Variants in RASA3 observed in about 807,000 individuals in gnomAD.
RASA3 encodes ras GTPase-activating protein 3.
A neutral mutation model predicts 110.0 loss-of-function variants in RASA3; 73 were observed. That is an observed-to-expected ratio of 0.66 (90% CI 0.55 to 0.81). The LOEUF is 0.81. RASA3 is among the 30% of genes least tolerant of loss of function. The pLI is 0.00. For synonymous variants in RASA3, 500 were observed against 451.4 expected (o/e 1.11, Z -1.37); for missense variants, 976 against 1,113.2 (o/e 0.88, Z 1.75).
At chr13:114,007,657 G>A (rs1438216895) in intron 17 of RASA3, 51 bp from the exon 18 acceptor site, 4 of 1,426,060 alleles carry the variant, frequency 2.8e-6, no homozygotes, top group Admixed American at 3.3e-5. Context: ...CATCTGACGT[G>A]CACGGCTCTC....
chr13:114,049,039 T>G (rs1366765469), intron 3 of RASA3, among the ~76,000 whole-genome samples: 1 of 131,368 alleles, frequency 7.6e-6, no homozygotes, highest in African/African-American at 2.9e-5. Context: ...CCCGACCCCA[T>G]AGGAATGCAC....
rs768989397 is a variant in RASA3, at chr13:114,021,413, T to C, written c.776A>G (p.Tyr259Cys). Residue 259 changes from tyrosine to cysteine, a missense_variant, in exon 9 of 24, where the codon TAC (tyrosine) becomes TGC (cysteine). Tyr to Cys is a radical substitution (Grantham distance 194, BLOSUM62 -2). Around this residue, in one of 4 missense-constraint regions of RASA3, gnomAD observed 732 missense variants for 779.7 expected, o/e 0.94. Coordinates refer to ENST00000334062, the MANE Select transcript of RASA3 (RefSeq NM_007368.4). ...TGCAACATCATCTTACCACGCCTCG[T>C]AGGAGCTGGACTGCCGCAGGACTTT... is the stretch of plus-strand genomic sequence containing the variant. Reference protein sequence around the residue: ...PLKVLRQSSSYEAWYFLQPRD... With the variant: ...PLKVLRQSSSCEAWYFLQPRD... 1.2e-6 allele frequency: 2 copies of C among 1,613,898 alleles called. No homozygotes were observed. The highest frequency in any genetic ancestry group is 1.1e-5 in the South Asian group (1 of 91,084).
At chr13:114,030,991 G>T (rs1209466241) in intron 4 of RASA3, among the ~76,000 whole-genome samples, 3 of 152,102 alleles carry the variant, frequency 2.0e-5, no homozygotes, top group Non-Finnish European at 4.4e-5. Flanking sequence ...GTGTCCGCCT[G>T]TGTGTGCGGC....
intron 1 of RASA3, among the ~76,000 whole-genome samples, chr13:114,076,575 CA>C (rs1384923428): frequency 6.6e-6 from 1 of 151,376 alleles, no homozygotes; most frequent in African/African-American, 2.4e-5. Context: ...GCAGGCAGCA[CA>C]CGCACACACA....
At chr13:114,077,238 C>T (rs1594431360) in intron 1 of RASA3, among the ~76,000 whole-genome samples, 2 of 152,106 alleles carry the variant, frequency 1.3e-5, no homozygotes, top group Admixed American at 1.3e-4. Context: ...CGCCGTACGA[C>T]ATGAAAAGGC....
chr13:114,070,809 G>C (rs1443846930), intron 2 of RASA3, among the ~76,000 whole-genome samples: 1 of 134,392 alleles, frequency 7.4e-6, no homozygotes, highest in Non-Finnish European at 1.6e-5. Context: ...CGGCGCCACA[G>C]TCTTACACGT....
chr13:114,130,825 C>T (rs1038330333), intron 1 of RASA3, among the ~76,000 whole-genome samples: 29 of 152,208 alleles, frequency 1.9e-4, no homozygotes, highest in African/African-American at 7.0e-4. Flanking sequence ...GCACCCACCT[C>T]CAGCCCTCCT....
At chr13:114,002,093 G>A (rs573799991) in intron 18 of RASA3, among the ~76,000 whole-genome samples, 43 of 152,346 alleles carry the variant, frequency 2.8e-4, no homozygotes, top group Non-Finnish European at 5.4e-4. Context: ...ACCGGCGGCC[G>A]AGCTGGAGGA....
intron 1 of RASA3, among the ~76,000 whole-genome samples, chr13:114,132,077 G>A (rs940029803): frequency 6.6e-6 from 1 of 151,990 alleles, no homozygotes; most frequent in Admixed American, 6.5e-5. Context: ...ACAGCCTCAG[G>A]CGCGCGCACT....
At chr13:114,002,761 G>A (rs1407898413) in intron 18 of RASA3, among the ~76,000 whole-genome samples, 4 of 152,226 alleles carry the variant, frequency 2.6e-5, no homozygotes. Flanking sequence ...TCTGGTCTGG[G>A]CGCCTGGCTC....
chr13:114,101,293 A>G (rs57756632), intron 1 of RASA3, among the ~76,000 whole-genome samples: 23,949 of 152,256 alleles, frequency 0.16, 2,033 homozygotes, highest in Middle Eastern at 0.21. Context: ...GCCATGTGCT[A>G]GGAAGGGGTT....
intron 1 of RASA3, among the ~76,000 whole-genome samples, chr13:114,079,866 C>T (rs2079753361): frequency 6.6e-6 from 1 of 152,146 alleles, no homozygotes; most frequent in African/African-American, 2.4e-5. Context: ...TGGGACGAGG[C>T]TGCACATCTC....
At chr13:114,003,853 C>T (rs2053457130) in intron 18 of RASA3, among the ~76,000 whole-genome samples, 1 of 152,212 alleles carries the variant, frequency 6.6e-6, no homozygotes, top group Non-Finnish European at 1.5e-5. Context: ...CAGGACACGA[C>T]AACAGGAACC....
Position 114,057,106 on chromosome 13 carries a change from C to T in RASA3, c.174-4951G>A, listed in dbSNP as rs947973150. 2.5e-5 allele frequency: 19 copies of T among 746,140 alleles called. No homozygotes were observed. The African/African-American group carries it at 3.1e-4, about 12-fold the overall frequency. 46.2% of individuals were successfully genotyped at this position (746,140 alleles called of 1,614,324 possible). On this transcript the variant is annotated intron_variant, in intron 2 of 23. Coordinates refer to ENST00000334062, the MANE Select transcript of RASA3 (RefSeq NM_007368.4). The surrounding 1 kb of genome is among the most constrained non-coding windows in gnomAD (Gnocchi z 5.0). ...CCTGGAGCCAGAACAGGCTCCAGCA[C>T]AGGCGATGGGTGAGTGTTTTGCATG...
At chr13:114,015,819 T>G (rs1052051400) in intron 13 of RASA3, among the ~76,000 whole-genome samples, 19 of 152,066 alleles carry the variant, frequency 1.2e-4, no homozygotes, top group African/African-American at 4.6e-4. Flanking sequence ...CAGGAGCCAT[T>G]GCCCAAGGGA....
chr13:113,998,730 G>A (rs1280727991), intron 20 of RASA3, among the ~76,000 whole-genome samples: 2 of 152,238 alleles, frequency 1.3e-5, no homozygotes, highest in African/African-American at 4.8e-5. Context: ...AACCCACAGG[G>A]AGGGATGTCC....
At chr13:114,050,276 A>AG (rs1210084916) in intron 3 of RASA3, among the ~76,000 whole-genome samples, 49 of 152,198 alleles carry the variant, frequency 3.2e-4, no homozygotes, top group Admixed American at 3.1e-3. Context: ...AAGACCCTGA[A>AG]GGGGGGTCAG....
At chr13:113,979,670 CAT>C (rs2052862565) in intron 23 of RASA3, among the ~76,000 whole-genome samples, 1 of 152,140 alleles carries the variant, frequency 6.6e-6, no homozygotes, top group Non-Finnish European at 1.5e-5. Context: ...GTGTGTAGCG[CAT>C]ATACATGTGC....
chr13:114,024,708 C>A (rs746574080), intron 7 of RASA3, among the ~76,000 whole-genome samples: 83 of 152,344 alleles, frequency 5.4e-4, no homozygotes, highest in Non-Finnish European at 8.7e-4. Context: ...GAGGGAGGGT[C>A]CCCTCTGCCG....
Sources: allele counts gnomAD v4.1 joint callset (sites outside exome capture counted in the v4.1 genomes callset), GRCh38; gene constraint gnomAD v4.1.1; regional missense constraint gnomAD v4.1.1; non-coding constraint Gnocchi (gnomAD v3.1); transcripts MANE v1.5; gene names NCBI Gene and HGNC (gene_info 2026-07-23, HGNC 2026-07-21).